Variants in HDX observed in about 807,000 individuals in gnomAD.
HDX encodes the protein highly divergent homeobox, also known as chromosome X open reading frame 43.
In HDX, 19 loss-of-function variants were observed where a neutral mutation model predicts 45.2. The ratio of observed to expected loss-of-function variants is 0.42; its 90% CI spans 0.29 to 0.62. The LOEUF is 0.62. HDX is among the 20% of genes least tolerant of loss of function. HDX has a pLI of 0.20. For missense variants in HDX, 532 were observed against 493.9 expected (o/e 1.08, Z -0.73); for synonymous variants, 188 against 172.8 (o/e 1.09, Z -0.69).
chrX:84,459,684 A>G (rs1457998979), intron 4 of HDX, among the ~76,000 whole-genome samples: 1 of 109,704 alleles, frequency 9.1e-6, no homozygotes, highest in African/African-American at 3.3e-5. Context: ...GAAAAAAAAA[A>G]TAAAAATCAG....
At chrX:84,331,042 A>G (rs1282198690) in intron 9 of HDX, among the ~76,000 whole-genome samples, 1 of 111,572 alleles carries the variant, frequency 9.0e-6, no homozygotes, top group Non-Finnish European at 1.9e-5. Context: ...TTCTTCGTCA[A>G]GATGATAGTA....
intron 5 of HDX, among the ~76,000 whole-genome samples, chrX:84,377,956 A>G (rs2038095862): frequency 9.0e-6 from 1 of 111,631 alleles, no homozygotes. Flanking sequence ...CAAGGCATTT[A>G]CTAATCAAAC....
chrX:84,484,865 G>C (rs2040758349), intron 2 of HDX, among the ~76,000 whole-genome samples: 1 of 111,228 alleles, frequency 9.0e-6, no homozygotes, highest in African/African-American at 3.3e-5. Flanking sequence ...TCCTTGAAAT[G>C]GAAGCTTATA....
chrX:84,413,527 A>G (rs1331212832), intron 5 of HDX, among the ~76,000 whole-genome samples: 5 of 111,376 alleles, frequency 4.5e-5, no homozygotes, highest in Non-Finnish European at 7.5e-5. Context: ...GTAGGAGCCA[A>G]TGTGTTCCTG....
chrX:84,499,124 G>T (rs2041068412), intron 1 of HDX, among the ~76,000 whole-genome samples: 1 of 111,681 alleles, frequency 9.0e-6, no homozygotes, highest in Non-Finnish European at 1.9e-5. Flanking sequence ...AAAGTTTTTA[G>T]CACAATGCCT....
At chrX:84,462,070 G>A (rs1308080339) in intron 4 of HDX, among the ~76,000 whole-genome samples, 3 of 111,994 alleles carry the variant, frequency 2.7e-5, no homozygotes, top group Admixed American at 9.4e-5. Flanking sequence ...ACTGCAGGTG[G>A]GAATACAAAT....
intron 3 of HDX, among the ~76,000 whole-genome samples, chrX:84,472,258 G>A (rs2040468106): frequency 9.0e-6 from 1 of 110,934 alleles, no homozygotes; most frequent in Non-Finnish European, 1.9e-5. Flanking sequence ...ATTATATATA[G>A]TTTCTTATAT....
In HDX at chrX:84,376,063, G is replaced by A. The variant is rs760754382; in HGVS notation, c.1306-14451C>T. 4.5e-5 allele frequency among the ~76,000 whole-genome samples: 5 copies of A among 112,200 alleles called. No individual in the cohort carries two copies. The South Asian group carries it at 1.9e-3, about 42-fold the overall frequency. On this transcript the variant is annotated intron_variant, in intron 5 of 10. Transcript: ENST00000373177. ...AAAGGACACTAATTTAACAACTGGA[G>A]ATTATGATTTAACAACTGGAGATCA...
In HDX at chrX:84,319,386, A is replaced by T. The variant is rs1475911038; in HGVS notation, c.*2503T>A. 9.0e-6 allele frequency: 1 copy of T among 111,403 alleles called. No homozygotes were observed. The highest frequency in any genetic ancestry group is 3.2e-5 in the African/African-American group (1 of 30,837). The allele number at this position is 111,403 out of a possible 1,213,427, so 9.2% of individuals were successfully genotyped here. A position where few individuals can be genotyped will look rare whatever the true frequency, so the allele number is the denominator to read the frequency against. On this transcript the variant is annotated 3_prime_UTR_variant, in exon 11 of 11. Transcript: ENST00000373177. ...TAAAAAATATACTTTCTTCATAACA[A>T]CTTTTCAAAGCTTGACCTTGACATC...
At chrX:84,370,925 A>C (rs1247780301) in intron 5 of HDX, among the ~76,000 whole-genome samples, 1 of 112,373 alleles carries the variant, frequency 8.9e-6, no homozygotes, top group East Asian at 2.8e-4. Flanking sequence ...CTTTAATATG[A>C]AATAGAAGAA....
intron 4 of HDX, among the ~76,000 whole-genome samples, chrX:84,462,085 A>G (rs758636019): frequency 1.8e-5 from 2 of 112,230 alleles, no homozygotes; most frequent in Non-Finnish European, 3.8e-5. Context: ...ACAAATTAGT[A>G]CACGCACTAT....
At chrX:84,446,529 A>T (rs915146763) in intron 4 of HDX, among the ~76,000 whole-genome samples, 10 of 111,674 alleles carry the variant, frequency 9.0e-5, no homozygotes, top group Admixed American at 7.6e-4. Context: ...ATAGGTTTTT[A>T]AAATAAATCA....
At chrX:84,333,042 C>T (rs1455289903) in intron 9 of HDX, among the ~76,000 whole-genome samples, 1 of 111,467 alleles carries the variant, frequency 9.0e-6, no homozygotes, top group African/African-American at 3.3e-5. Context: ...ACACTAATGA[C>T]ATTCCATAAC....
At chrX:84,410,543 T>C (rs1201838337) in intron 5 of HDX, among the ~76,000 whole-genome samples, 1 of 111,866 alleles carries the variant, frequency 8.9e-6, no homozygotes. Context: ...TAGCTTTTGA[T>C]GTGCTTCTGG....
In HDX at chrX:84,468,329, C is replaced by A. The variant is rs946367344; in HGVS notation, c.1251+143G>T. ...AACATGAGAAACAAAGAACAAGATTCTTCAAGGAGTTAACCCCAAACCACC... is the reference window on the plus strand; with the variant it reads ...AACATGAGAAACAAAGAACAAGATTATTCAAGGAGTTAACCCCAAACCACC... On this transcript the variant is annotated intron_variant, in intron 4 of 10. Transcript: ENST00000373177. 7.9e-6 allele frequency: 3 copies of A among 379,221 alleles called. No homozygotes were observed. The Admixed American group carries it at 1.6e-4, about 20-fold the overall frequency. 31.3% of individuals were successfully genotyped at this position (379,221 alleles called of 1,213,427 possible).
chrX:84,367,448 A>C (rs1456288079), intron 5 of HDX, among the ~76,000 whole-genome samples: 2 of 111,820 alleles, frequency 1.8e-5, no homozygotes. Context: ...TGTGGCAATT[A>C]CTCAAGGATC....
At chrX:84,385,111 G>C (rs778136721) in intron 5 of HDX, among the ~76,000 whole-genome samples, 2 of 105,541 alleles carry the variant, frequency 1.9e-5, no homozygotes, top group South Asian at 8.7e-4. Context: ...TAATTGCTTT[G>C]GGTGATGTGG....
intron 5 of HDX, among the ~76,000 whole-genome samples, chrX:84,385,034 T>G (rs2147914972): frequency 9.1e-6 from 1 of 109,560 alleles, no homozygotes; most frequent in Admixed American, 9.8e-5. Flanking sequence ...CATGTGAAAG[T>G]TAGAATTTTT....
chrX:84,434,799 T>G (rs1319431903), intron 5 of HDX, among the ~76,000 whole-genome samples: 2 of 111,672 alleles, frequency 1.8e-5, no homozygotes, highest in African/African-American at 6.5e-5. Context: ...CATTCAATCC[T>G]GGACTTTTAT....
Sources: allele counts gnomAD v4.1 joint callset (sites outside exome capture counted in the v4.1 genomes callset), GRCh38; gene constraint gnomAD v4.1.1; transcripts MANE v1.5; gene names NCBI Gene and HGNC (gene_info 2026-07-23, HGNC 2026-07-21).